The following COPG2 variants were observed in gnomAD, a reference collection of about 807,000 sequenced individuals.
The protein encoded by COPG2 is coat protein complex I subunit gamma 2.
In COPG2, 37 loss-of-function variants were observed where a neutral mutation model predicts 46.3. The observed-to-expected ratio is 0.80, with a 90% confidence interval of 0.61 to 1.05. The LOEUF (loss-of-function observed/expected upper bound fraction) is 1.05, where lower values mean the gene tolerates loss of function less well. Among genes scored for constraint, COPG2 ranks in the 50% least tolerant of loss-of-function variants. COPG2 has a pLI of 0.00. For synonymous variants in COPG2, 159 were observed against 129.7 expected (o/e 1.23, Z -1.53); for missense variants, 427 against 387.8 (o/e 1.10, Z -0.85).
rs1795730652 is a variant in COPG2, at chr7:130,651,188, T to C, written c.323+1681A>G. 2.0e-5 allele frequency among the ~76,000 whole-genome samples: 3 copies of C among 152,210 alleles called. No homozygotes were observed. The South Asian group carries it at 6.2e-4, about 31-fold the overall frequency. ...TTCATTACACACTTAGAACTATAAA[T>C]TATATATACTTATTCTAGGACATTT... On this transcript the variant is annotated intron_variant, in intron 5 of 23. Transcript: ENST00000425248.
At chr7:130,598,281 T>TTG (rs1794567888) in intron 9 of COPG2, among the ~76,000 whole-genome samples, 1 of 152,176 alleles carries the variant, frequency 6.6e-6, no homozygotes. Context: ...TAGCCCTTAC[T>TTG]TGTTCAGCAA....
chr7:130,642,423 C>T (rs1795510067), intron 5 of COPG2, among the ~76,000 whole-genome samples: 1 of 152,152 alleles, frequency 6.6e-6, no homozygotes, highest in Non-Finnish European at 1.5e-5. Flanking sequence ...TCCTCTAACC[C>T]AGTAGACTTC....
At chr7:130,617,547 C>T (rs1236541915) in intron 5 of COPG2, among the ~76,000 whole-genome samples, 1 of 152,198 alleles carries the variant, frequency 6.6e-6, no homozygotes, top group East Asian at 1.9e-4. Flanking sequence ...TTATCAATGG[C>T]TTCAGACCTT....
At chr7:130,668,292 T>C (rs1377204301) in intron 1 of COPG2, among the ~76,000 whole-genome samples, 2 of 151,904 alleles carry the variant, frequency 1.3e-5, no homozygotes, top group African/African-American at 4.8e-5. Flanking sequence ...CCAGCACCCC[T>C]GGACGCGGAG....
chr7:130,526,617 G>C (rs1214703290), intron 20 of COPG2, among the ~76,000 whole-genome samples: 1 of 151,994 alleles, frequency 6.6e-6, no homozygotes, highest in African/African-American at 2.4e-5. Flanking sequence ...CATAGGTGGA[G>C]TGAGGTGAAG....
intron 5 of COPG2, among the ~76,000 whole-genome samples, chr7:130,631,114 C>G (rs952931912): frequency 6.6e-6 from 1 of 150,990 alleles, no homozygotes; most frequent in Admixed American, 6.6e-5. Context: ...AGTCTGTCAT[C>G]TTGCTATTTC....
intron 9 of COPG2, among the ~76,000 whole-genome samples, chr7:130,609,626 A>T (rs1554451743): frequency 6.6e-6 from 1 of 152,148 alleles, no homozygotes; most frequent in Admixed American, 6.6e-5. Flanking sequence ...TCTGAGACTC[A>T]TTACACAAGT....
intron 9 of COPG2, 183 bp from the exon 10 acceptor site, chr7:130,564,576 A>T (rs1793772979): frequency 2.6e-6 from 1 of 390,754 alleles, no homozygotes. Context: ...ACTTTTGCAG[A>T]ACTCTAAAAA....
At chr7:130,629,953 T>A (rs1405071360) in intron 5 of COPG2, among the ~76,000 whole-genome samples, 1 of 151,720 alleles carries the variant, frequency 6.6e-6, no homozygotes, top group Non-Finnish European at 1.5e-5. Context: ...GTTTCGCTCT[T>A]GTCGCCCAGG....
chr7:130,591,090 GT>G (rs1794401551), intron 9 of COPG2, among the ~76,000 whole-genome samples: 2 of 135,426 alleles, frequency 1.5e-5, no homozygotes, highest in Non-Finnish European at 3.3e-5. Context: ...CAGAAGGGAG[GT>G]GGGGGGGTCA....
chr7:130,510,804 G>A (rs186828123), intron 20 of COPG2: 4 of 428,528 alleles, frequency 9.3e-6, no homozygotes, highest in East Asian at 6.1e-5. Context: ...GTAATCTGTC[G>A]AAGCTGCTGG....
rs528812195 is a variant in COPG2, at chr7:130,608,605, G to C, written c.737+2348C>G. 3.3e-5 allele frequency among the ~76,000 whole-genome samples: 5 copies of C among 152,028 alleles called. No homozygotes were observed. The East Asian group carries it at 7.7e-4, about 23-fold the overall frequency. ...TAGAACTCCAGATTTTCAGTTATTT[G>C]TTTCAACAATTTTAAGATGTCCATT... On this transcript the variant is annotated intron_variant, in intron 9 of 23. Coordinates refer to ENST00000425248, the MANE Select transcript of COPG2 (RefSeq NM_012133.6).
At chr7:130,653,832 C>T (rs898920483) in intron 4 of COPG2, among the ~76,000 whole-genome samples, 1 of 151,874 alleles carries the variant, frequency 6.6e-6, no homozygotes, top group African/African-American at 2.4e-5. Context: ...TGAGGATCCT[C>T]GTGGTGATTA....
chr7:130,657,344 T>G (rs1554460033), intron 4 of COPG2, among the ~76,000 whole-genome samples: 1 of 151,366 alleles, frequency 6.6e-6, no homozygotes. Context: ...AGAAAAGAGG[T>G]GAAAAGAAAC....
chr7:130,578,068 G>C (rs1441127448), intron 9 of COPG2, among the ~76,000 whole-genome samples: 2 of 152,236 alleles, frequency 1.3e-5, no homozygotes, highest in Admixed American at 6.5e-5. Flanking sequence ...CCAAAAGACA[G>C]CAGTAACCTC....
chr7:130,527,157 T>A (rs1799782561), intron 20 of COPG2, among the ~76,000 whole-genome samples: 1 of 151,588 alleles, frequency 6.6e-6, no homozygotes, highest in Non-Finnish European at 1.5e-5. Flanking sequence ...CTGATGGGTG[T>A]CCATAACACC....
At chr7:130,642,442 A>G (rs1795510319) in intron 5 of COPG2, among the ~76,000 whole-genome samples, 1 of 152,180 alleles carries the variant, frequency 6.6e-6, no homozygotes, top group African/African-American at 2.4e-5. Flanking sequence ...TCTGACTTCT[A>G]TCACCACAGA....
intron 20 of COPG2, chr7:130,546,892 A>C (rs1221753372): frequency 6.6e-5 from 10 of 152,230 alleles, no homozygotes; most frequent in African/African-American, 2.2e-4. Flanking sequence ...AAGTTGTTCA[A>C]AACATAAATG....
At chr7:130,645,986 T>C (rs1415665141) in intron 5 of COPG2, among the ~76,000 whole-genome samples, 2 of 152,232 alleles carry the variant, frequency 1.3e-5, no homozygotes, top group African/African-American at 4.8e-5. Flanking sequence ...GCTATTGCTT[T>C]GATCATACTT....
Sources: gnomAD v4.1 joint callset for allele counts (sites outside exome capture counted in the v4.1 genomes callset) on GRCh38, gnomAD v4.1.1 for gene constraint, MANE v1.5 for transcripts, NCBI Gene and HGNC (gene_info 2026-07-23, HGNC 2026-07-21) for gene names.